The following CNGB1 variants were observed in gnomAD, a reference collection of about 807,000 sequenced individuals.
CNGB1 encodes the protein cyclic nucleotide gated channel subunit beta 1.
In CNGB1, 126 loss-of-function variants were observed where a neutral mutation model predicts 151.7. That is an observed-to-expected ratio of 0.83 (90% CI 0.72 to 0.96). CNGB1 has a LOEUF of 0.96. CNGB1 is among the 40% of genes least tolerant of loss of function. CNGB1 has a pLI of 0.00. For missense variants in CNGB1, 1,698 were observed against 1,627.0 expected (o/e 1.04, Z -0.75); for synonymous variants, 623 against 635.1 (o/e 0.98, Z 0.29).
Position 57,962,880 on chromosome 16 carries a change from G to GGAGA in CNGB1, c.382-9_382-8insTCTC. 6.2e-7 allele frequency: 1 copy of GGAGA among 1,612,546 alleles called. No homozygotes were observed. Among genetic ancestry groups the GGAGA allele is most frequent in the Non-Finnish European group, 8.5e-7 (1 of 1,180,006 alleles). On this transcript the variant is annotated splice_polypyrimidine_tract_variant and intron_variant, in intron 5 of 32. Coordinates refer to ENST00000251102, the MANE Select transcript of CNGB1 (RefSeq NM_001297.5). The stretch of plus-strand genomic sequence containing the variant: ...GCTGCCATGCCCCAGGATCTGCCAG[G>GGAGA]GACAGACAGACAGACATGGGCAGGG...
intron 31 of CNGB1, among the ~76,000 whole-genome samples, chr16:57,889,592 T>C (rs1328016804): frequency 2.0e-5 from 3 of 152,240 alleles, no homozygotes; most frequent in Non-Finnish European, 4.4e-5. Context: ...ATCGCAAATG[T>C]GTGACTTTAA....
chr16:57,893,432 C>A (rs16959477), intron 31 of CNGB1, among the ~76,000 whole-genome samples: 7,365 of 152,112 alleles, frequency 0.048, 278 homozygotes, highest in African/African-American at 0.1. Flanking sequence ...TGAAGTGATC[C>A]TTATTAACAT....
intron 31 of CNGB1, among the ~76,000 whole-genome samples, chr16:57,892,844 T>C (rs1488326801): frequency 1.3e-5 from 2 of 152,204 alleles, no homozygotes; most frequent in Admixed American, 6.5e-5. Context: ...CTCGTTGAAA[T>C]GCCACCTGCT....
intron 31 of CNGB1, among the ~76,000 whole-genome samples, chr16:57,895,217 A>G (rs1354752757): frequency 6.6e-6 from 1 of 152,188 alleles, no homozygotes; most frequent in African/African-American, 2.4e-5. Context: ...AAGCCAAGGC[A>G]GGCAGATCAC....
chr16:57,964,248 C>T (rs768680603), intron 3 of CNGB1, 46 bp from the exon 4 acceptor site: 5 of 1,583,516 alleles, frequency 3.2e-6, no homozygotes, highest in African/African-American at 1.3e-5. Context: ...CTCAGACAGG[C>T]CCATTTCTAC....
In CNGB1 at chr16:57,903,936, G is replaced by A. The variant is rs1307817307; in HGVS notation, c.2680C>T (p.Arg894Cys). 16 of 1,613,974 alleles carry A rather than the reference G, an allele frequency of 9.9e-6. No individual in the cohort carries two copies. The highest frequency in any genetic ancestry group is 6.7e-5 in the Admixed American group (4 of 60,000). ...TTCACCGTGCTGTCCATGCAGCTGC[G>A]GTAGTAGGTCTGTCCGGCGGTGGCG... The part of the protein sequence containing the change: ...GAATAGQTYY[R>C]SCMDSTVKYM... The change falls in exon 27 of 33, where the codon CGC (arginine) becomes TGC (cysteine). Residue 894 changes from arginine to cysteine, a missense_variant. Arg to Cys is a radical substitution (Grantham distance 180). Coordinates refer to ENST00000251102, the MANE Select transcript of CNGB1 (RefSeq NM_001297.5).
Position 57,960,591 on chromosome 16 carries a change from C to T in CNGB1, c.535-61G>A, listed in dbSNP as rs111616938. On this transcript the variant is annotated intron_variant, in intron 8 of 32. Transcript: ENST00000251102. ...AGCAAGCTCTGTGCGCTTCCCCAAC[C>T]GCCACTACCAGCTGTGTCCTGGCCC... 10,132 of 1,591,874 alleles carry T rather than the reference C, an allele frequency of 6.4e-3. 499 individuals are homozygous for T. In the African/African-American group the frequency reaches 0.11, roughly 18 times the overall value.
At chr16:57,915,610 G>A (rs772902693) in intron 22 of CNGB1, among the ~76,000 whole-genome samples, 3 of 152,106 alleles carry the variant, frequency 2.0e-5, no homozygotes, top group Non-Finnish European at 2.9e-5. Flanking sequence ...AATGAAAGGT[G>A]GCTTCTGGCC....
chr16:57,939,713 C>G (rs1193287175), intron 15 of CNGB1, 121 bp from the exon 16 acceptor site: 5 of 1,395,392 alleles, frequency 3.6e-6, no homozygotes, highest in South Asian at 2.3e-5. Flanking sequence ...CTTGCCCTGC[C>G]CAGCCAGTCA....
intron 16 of CNGB1, among the ~76,000 whole-genome samples, chr16:57,934,028 G>A (rs114567891): frequency 0.011 from 1,634 of 152,190 alleles, 37 homozygotes; most frequent in African/African-American, 0.038. Context: ...CAGCCGATAT[G>A]GGGTTTTTTT....
At chr16:57,954,143 A>G (rs1962028303) in intron 12 of CNGB1, among the ~76,000 whole-genome samples, 1 of 152,174 alleles carries the variant, frequency 6.6e-6, no homozygotes, top group Admixed American at 6.5e-5. Flanking sequence ...CTCTAGTTTT[A>G]TCTTCTGCAT....
At chr16:57,903,302 G>A (rs1342741750) in intron 27 of CNGB1, among the ~76,000 whole-genome samples, 2 of 151,464 alleles carry the variant, frequency 1.3e-5, no homozygotes, top group African/African-American at 2.4e-5. Context: ...GACCAGCCTG[G>A]CCAACATGGT....
At chr16:57,904,036 G>A (rs549293307) in intron 26 of CNGB1, 55 bp from the exon 27 acceptor site, 9 of 1,549,490 alleles carry the variant, frequency 5.8e-6, no homozygotes, top group East Asian at 4.5e-5. Context: ...GGGGGTGGGC[G>A]CTATTCCATG....
At chr16:57,952,755 C>T (rs1039907825) in intron 12 of CNGB1, among the ~76,000 whole-genome samples, 4 of 152,132 alleles carry the variant, frequency 2.6e-5, no homozygotes, top group Non-Finnish European at 5.9e-5. Flanking sequence ...CCCACCTTGA[C>T]CTCCCAAAGT....
At chr16:57,938,424 C>T (rs1961570342) in intron 16 of CNGB1, among the ~76,000 whole-genome samples, 1 of 152,216 alleles carries the variant, frequency 6.6e-6, no homozygotes, top group East Asian at 1.9e-4. Flanking sequence ...GACACATCCT[C>T]GTCCCAATAT....
At chr16:57,889,478 C>G (rs1960027392) in intron 31 of CNGB1, among the ~76,000 whole-genome samples, 1 of 152,208 alleles carries the variant, frequency 6.6e-6, no homozygotes, top group Non-Finnish European at 1.5e-5. Flanking sequence ...GTCCTTCCCC[C>G]ATCCAGACTT....
chr16:57,887,931 A>C lies in CNGB1; in HGVS notation c.3386T>G (p.Leu1129Arg), dbSNP rs753253429. ...TTTGAGCCGGGCCCGGAGGTGAGCAAGTTTGCCGCCTTTTGCCCCCTTGCC... is the reference window on the plus strand; with the variant it reads ...TTTGAGCCGGGCCCGGAGGTGAGCACGTTTGCCGCCTTTTGCCCCCTTGCC... Reference protein sequence around the residue: ...MGGKGAKGGKLAHLRARLKEL... With the variant: ...MGGKGAKGGKRAHLRARLKEL... Residue 1129 changes from leucine (L) to arginine (R), a missense_variant, in exon 32 of 33, where the codon CTT becomes CGT. By Grantham distance (102) the Leu-to-Arg change is moderately radical (BLOSUM62 -2). Coordinates refer to ENST00000251102, the MANE Select transcript of CNGB1 (RefSeq NM_001297.5). The C allele has an allele frequency of 6.2e-7, 1 of 1,614,182 alleles. No individual in the cohort carries two copies. Among genetic ancestry groups the C allele is most frequent in the South Asian group, 1.1e-5 (1 of 91,086 alleles).
chr16:57,923,442 CATGACTTTGATCCCTAA>C lies in CNGB1; in HGVS notation c.1536-79_1536-63del, dbSNP rs1961103488. 10 of 1,365,342 alleles carry C rather than the reference CATGACTTTGATCCCTAA, an allele frequency of 7.3e-6. No homozygotes were observed. In the Admixed American group the frequency reaches 1.0e-4, roughly 14 times the overall value. 84.6% of individuals were successfully genotyped at this position (1,365,342 alleles called of 1,614,324 possible). On this transcript the variant is annotated intron_variant, in intron 17 of 32. Transcript: ENST00000251102. ...AGGCAGAGGCCCCAGGGAGAAGTGTCATGACTTTGATCCCTAAAGATCATCTAGAGCCAATTCCTAGA... is the reference window on the plus strand; with the variant it reads ...AGGCAGAGGCCCCAGGGAGAAGTGTCAGATCATCTAGAGCCAATTCCTAGA...
chr16:57,912,529 T>C (rs1291227955), intron 24 of CNGB1, among the ~76,000 whole-genome samples: 1 of 151,826 alleles, frequency 6.6e-6, no homozygotes. Flanking sequence ...TCAGTGGGGG[T>C]AGACAATGTC....
Sources: allele counts gnomAD v4.1 joint callset (sites outside exome capture counted in the v4.1 genomes callset), GRCh38; gene constraint gnomAD v4.1.1; transcripts MANE v1.5; gene names NCBI Gene and HGNC (gene_info 2026-07-23, HGNC 2026-07-21).